The following ATAD2B variants were observed in gnomAD, a reference collection of about 807,000 sequenced individuals.
ATAD2B encodes ATPase family AAA domain containing 2B.
Under a neutral mutation model 167.6 loss-of-function variants are expected in ATAD2B, and 40 were observed. That is an observed-to-expected ratio of 0.24 (90% CI 0.19 to 0.31). ATAD2B has a LOEUF of 0.31. Among genes scored for constraint, ATAD2B ranks in the 10% least tolerant of loss-of-function variants. The probability of loss-of-function intolerance (pLI) is 1.00; values close to 1 mark genes in which losing one functional copy is unlikely to be tolerated. For synonymous variants in ATAD2B, 579 were observed against 596.5 expected (o/e 0.97, Z 0.43); for missense variants, 1,242 against 1,757.2 (o/e 0.71, Z 5.24).
At chr2:23,916,624 G>C (rs1375078687) in intron 1 of ATAD2B, among the ~76,000 whole-genome samples, 1 of 152,106 alleles carries the variant, frequency 6.6e-6, no homozygotes, top group Non-Finnish European at 1.5e-5. Context: ...ATAGGTTTCT[G>C]CCAAATCTCT....
At chr2:23,745,382 A>AAGGAAGGAAGGG (rs1283810785), downstream of ATAD2B, among the ~76,000 whole-genome samples, 4 of 90,248 alleles carry the variant, frequency 4.4e-5, no homozygotes, top group East Asian at 1.0e-3. Context: ...GGAAGGAAGG[A>AAGGAAGGAAGGG]AGGAAGGAAG....
chr2:23,873,746 C>T (rs953011556), intron 8 of ATAD2B, among the ~76,000 whole-genome samples: 20 of 152,220 alleles, frequency 1.3e-4, no homozygotes, highest in African/African-American at 4.8e-4. Context: ...CTTCTCGTAG[C>T]TTCAGTAAAA....
At chr2:23,850,632 G>A (rs1367683564) in intron 13 of ATAD2B, among the ~76,000 whole-genome samples, 1 of 152,148 alleles carries the variant, frequency 6.6e-6, no homozygotes, top group Non-Finnish European at 1.5e-5. Flanking sequence ...AAAGATCAGT[G>A]GTTGCTGGGG....
chr2:23,792,975 A>AC (rs1682029754), intron 19 of ATAD2B, among the ~76,000 whole-genome samples: 1 of 150,382 alleles, frequency 6.6e-6, no homozygotes, highest in African/African-American at 2.4e-5. Flanking sequence ...AAAAAAAAAA[A>AC]AAAAAAAAAA....
chr2:23,691,922 T>C, the ATAD2B span: 5 of 1,522,252 alleles, frequency 3.3e-6, no homozygotes, highest in Non-Finnish European at 4.4e-6. Flanking sequence ...AGAGTGCAGA[T>C]GGGCGGAGAA....
the ATAD2B span, among the ~76,000 whole-genome samples, chr2:23,701,793 CTTTTTTTTTT>C: frequency 9.3e-4 from 21 of 22,544 alleles, no homozygotes; most frequent in Admixed American, 0.014. Flanking sequence ...CTTTTTTTTG[CTTTTTTTTTT>C]TTTTTTTTTT....
chr2:23,697,816 ACTGC>A, the ATAD2B span: 1 of 152,146 alleles, frequency 6.6e-6, no homozygotes, highest in Non-Finnish European at 1.5e-5. Flanking sequence ...AGTGTGACCC[ACTGC>A]CCAGCTATGC....
rs1352006395 is a variant in ATAD2B, at chr2:23,926,649, G to A, written c.122C>T (p.Ser41Phe). 1 of 1,563,614 alleles carries A rather than the reference G, an allele frequency of 6.4e-7. No homozygotes were observed. Among genetic ancestry groups the A allele is most frequent in the South Asian group, 1.2e-5 (1 of 85,122 alleles). ...GCGGGTCTTGGAGGAGCGGGTCCGA[G>A]AGGAGATGAAATGGCTGCTGCCTCC... is the stretch of plus-strand genomic sequence containing the variant. ...ATGGSSHFIS[S>F]RTRSSKTRAA... is the part of the protein sequence containing the mutation. The change falls in exon 1 of 28, where the codon TCT becomes TTT. Residue 41 changes from serine (S) to phenylalanine (F), a missense_variant. Around this residue, in one of 9 missense-constraint regions of ATAD2B, gnomAD observed 199 missense variants for 194.9 expected, o/e 1.02. Coordinates refer to ENST00000238789, the MANE Select transcript of ATAD2B (RefSeq NM_017552.4).
At chr2:23,705,258 T>A in the ATAD2B span, among the ~76,000 whole-genome samples, 1 of 152,184 alleles carries the variant, frequency 6.6e-6, no homozygotes, top group African/African-American at 2.4e-5. Flanking sequence ...TTTGGGAGGC[T>A]GAGGTGAATG....
the ATAD2B span, chr2:23,706,791 C>A: frequency 1.6e-6 from 1 of 630,208 alleles, no homozygotes. Flanking sequence ...CTGCGCTCAA[C>A]ATGTTGAATA....
intron 1 of ATAD2B, among the ~76,000 whole-genome samples, chr2:23,905,053 G>C: frequency 6.6e-6 from 1 of 151,932 alleles, no homozygotes; most frequent in African/African-American, 2.4e-5. Flanking sequence ...TACAGAAAGA[G>C]AAAAAAATAC....
At chr2:23,818,096 T>C (rs138787148) in intron 17 of ATAD2B, among the ~76,000 whole-genome samples, 19 of 139,532 alleles carry the variant, frequency 1.4e-4, no homozygotes, top group African/African-American at 5.1e-4. Flanking sequence ...ACACACACAT[T>C]ACACACACAC....
At chr2:23,746,961 C>T (rs922170940), downstream of ATAD2B, among the ~76,000 whole-genome samples, 7 of 152,124 alleles carry the variant, frequency 4.6e-5, no homozygotes, top group African/African-American at 1.7e-4. Flanking sequence ...CATGAAGACA[C>T]GGACTTTTTC....
intron 24 of ATAD2B, among the ~76,000 whole-genome samples, chr2:23,758,558 A>G (rs1458840564): frequency 6.6e-6 from 1 of 152,220 alleles, no homozygotes; most frequent in African/African-American, 2.4e-5. Context: ...TAAAGACATG[A>G]TTCAATATAG....
At chr2:23,877,684 C>G (rs1384155444) in intron 7 of ATAD2B, among the ~76,000 whole-genome samples, 2 of 150,646 alleles carry the variant, frequency 1.3e-5, no homozygotes, top group Admixed American at 6.6e-5. Flanking sequence ...CCAGCCTGGC[C>G]AAGATCGTGA....
the ATAD2B span, among the ~76,000 whole-genome samples, chr2:23,717,337 G>C: frequency 7.9e-5 from 12 of 152,288 alleles, no homozygotes; most frequent in African/African-American, 2.4e-4. Flanking sequence ...TCTCGGGGTA[G>C]TGCAAGGGTT....
the ATAD2B span, among the ~76,000 whole-genome samples, chr2:23,704,069 G>A: frequency 1.2e-4 from 18 of 152,264 alleles, no homozygotes; most frequent in Non-Finnish European, 1.9e-4. Flanking sequence ...GCCCAACCCC[G>A]GGGCTCCAGC....
At chr2:23,848,268 C>T (rs537155740) in intron 13 of ATAD2B, among the ~76,000 whole-genome samples, 1 of 152,140 alleles carries the variant, frequency 6.6e-6, no homozygotes, top group African/African-American at 2.4e-5. Context: ...TTTGGTAGGC[C>T]AAGGCAGGCG....
At chr2:23,899,918 CTTTTTTTTT>C (rs34685891) in intron 1 of ATAD2B, among the ~76,000 whole-genome samples, 1 of 83,604 alleles carries the variant, frequency 1.2e-5, no homozygotes, top group Admixed American at 1.7e-4. Flanking sequence ...AGTTTTCTTA[CTTTTTTTTT>C]TTTTTTTTTT....
Sources: gnomAD v4.1 joint callset for allele counts (sites outside exome capture counted in the v4.1 genomes callset) on GRCh38, gnomAD v4.1.1 for gene constraint, gnomAD v4.1.1 regional missense constraint, MANE v1.5 for transcripts, NCBI Gene and HGNC (gene_info 2026-07-23, HGNC 2026-07-21) for gene names.